The following GORASP2 variants were observed in gnomAD, a reference collection of about 807,000 sequenced individuals.
The protein encoded by GORASP2 is golgi reassembly stacking protein 2.
A neutral mutation model predicts 45.7 loss-of-function variants in GORASP2; 22 were observed. The ratio of observed to expected loss-of-function variants is 0.48; its 90% CI spans 0.34 to 0.69. The LOEUF (loss-of-function observed/expected upper bound fraction) is 0.69, where lower values mean the gene tolerates loss of function less well. GORASP2 is among the 30% of genes least tolerant of loss of function. GORASP2 has a pLI of 0.01. For synonymous variants in GORASP2, 221 were observed against 215.6 expected (o/e 1.02, Z -0.22); for missense variants, 491 against 562.7 (o/e 0.87, Z 1.29).
intron 9 of GORASP2, among the ~76,000 whole-genome samples, chr2:170,963,207 T>C (rs1328916344): frequency 6.6e-6 from 1 of 151,898 alleles, no homozygotes; most frequent in Admixed American, 6.6e-5. Context: ...ACCCCATCTC[T>C]ACTGAAAAAA....
chr2:170,941,288 C>T (rs536404746), intron 1 of GORASP2, among the ~76,000 whole-genome samples: 1 of 152,160 alleles, frequency 6.6e-6, no homozygotes, highest in South Asian at 2.1e-4. Flanking sequence ...CATAATTGCT[C>T]TTTAGTATTT....
At position 170,966,768 on chromosome 2, in the gene GORASP2, G is replaced by C. The variant is rs2105332722; in HGVS notation, c.*638G>C. 1 of 154,322 alleles carries C rather than the reference G, an allele frequency of 6.5e-6. No individual in the cohort carries two copies. Among genetic ancestry groups the C allele is most frequent in the African/African-American group, 2.4e-5 (1 of 41,536 alleles). The allele number at this position is 154,322 out of a possible 1,614,324, so 9.6% of individuals were successfully genotyped here. ...CAGACAACATTTTGTAACTGCTGCTGTTGCTTTCTACATACACCTTATAAA... is the reference window on the plus strand; with the variant it reads ...CAGACAACATTTTGTAACTGCTGCTCTTGCTTTCTACATACACCTTATAAA... On this transcript the variant is annotated 3_prime_UTR_variant, in exon 10 of 10. Transcript: ENST00000234160.
intron 1 of GORASP2, chr2:170,929,888 C>G (rs779981184): frequency 7.3e-6 from 3 of 409,174 alleles, no homozygotes; most frequent in East Asian, 9.9e-5. Context: ...CGGCGCCGGC[C>G]GAGTGGCCTG....
intron 7 of GORASP2, among the ~76,000 whole-genome samples, chr2:170,957,072 T>C (rs1353615077): frequency 6.6e-6 from 1 of 152,224 alleles, no homozygotes; most frequent in Non-Finnish European, 1.5e-5. Context: ...TTAAACTTCT[T>C]CCCTGCATAT....
intron 3 of GORASP2, chr2:170,949,974 A>T (rs930453687): frequency 1.8e-6 from 1 of 565,244 alleles, no homozygotes; most frequent in Non-Finnish European, 3.2e-6. Flanking sequence ...TCATTATAAG[A>T]TGTGTTAGAG....
intron 1 of GORASP2, chr2:170,929,774 C>T: frequency 2.0e-6 from 1 of 497,732 alleles, no homozygotes; most frequent in South Asian, 1.5e-5. Flanking sequence ...GAGGCAACGT[C>T]TCCAAAGTGG....
At chr2:170,934,416 C>T (rs1215491315) in intron 1 of GORASP2, among the ~76,000 whole-genome samples, 1 of 151,756 alleles carries the variant, frequency 6.6e-6, no homozygotes, top group African/African-American at 2.4e-5. Context: ...CCTGTCATCA[C>T]GCCCAGCTAA....
intron 7 of GORASP2, among the ~76,000 whole-genome samples, 192 bp downstream of exon 7, chr2:170,956,751 AAAAC>A (rs1201814844): frequency 1.3e-5 from 2 of 151,958 alleles, no homozygotes; most frequent in African/African-American, 2.4e-5. Context: ...CTAAAAAAAA[AAAAC>A]TTTTTTTAAT....
chr2:170,941,571 A>G (rs1279513825), intron 1 of GORASP2, among the ~76,000 whole-genome samples: 1 of 152,168 alleles, frequency 6.6e-6, no homozygotes, highest in Non-Finnish European at 1.5e-5. Flanking sequence ...GATTTCTAAC[A>G]GCATAGATGA....
At chr2:170,935,572 CTT>C (rs1197617014) in intron 1 of GORASP2, among the ~76,000 whole-genome samples, 2 of 140,008 alleles carry the variant, frequency 1.4e-5, no homozygotes, top group Non-Finnish European at 1.6e-5. Context: ...CGCCCCACCT[CTT>C]TTTTTTTTTT....
At chr2:170,958,356 T>C (rs1704476407) in intron 7 of GORASP2, among the ~76,000 whole-genome samples, 1 of 152,232 alleles carries the variant, frequency 6.6e-6, no homozygotes, top group Non-Finnish European at 1.5e-5. Context: ...AGTAAATTCA[T>C]AGAATTGTGC....
At chr2:170,946,473 A>G (rs1704184382) in intron 1 of GORASP2, among the ~76,000 whole-genome samples, 1 of 152,162 alleles carries the variant, frequency 6.6e-6, no homozygotes, top group South Asian at 2.1e-4. Flanking sequence ...ACAGTCCATT[A>G]TCAAATATGG....
intron 1 of GORASP2, among the ~76,000 whole-genome samples, chr2:170,942,684 T>C (rs1209000665): frequency 6.6e-6 from 1 of 152,228 alleles, no homozygotes; most frequent in East Asian, 1.9e-4. Context: ...GGTTTTTGCA[T>C]GGAGATATAT....
At chr2:170,954,854 A>C (rs1394801537) in intron 6 of GORASP2, 72 bp downstream of exon 6, 2 of 1,124,216 alleles carry the variant, frequency 1.8e-6, no homozygotes, top group African/African-American at 1.5e-5. Flanking sequence ...CAGTGCTACT[A>C]TATGGCAGTA....
At chr2:170,935,674 G>A (rs1212601067) in intron 1 of GORASP2, among the ~76,000 whole-genome samples, 1 of 150,566 alleles carries the variant, frequency 6.6e-6, no homozygotes, top group Non-Finnish European at 1.5e-5. Flanking sequence ...CCAGGCTCAA[G>A]TGATCCTCCC....
intron 7 of GORASP2, among the ~76,000 whole-genome samples, chr2:170,960,746 G>C (rs894512301): frequency 6.6e-6 from 1 of 152,308 alleles, no homozygotes; most frequent in African/African-American, 2.4e-5. Context: ...TAGAGCATTT[G>C]CCAGTGCTTC....
intron 1 of GORASP2, among the ~76,000 whole-genome samples, chr2:170,933,462 TAAAC>T (rs1191602693): frequency 6.6e-6 from 1 of 152,136 alleles, no homozygotes; most frequent in African/African-American, 2.4e-5. Context: ...GAGAAATTGT[TAAAC>T]AAATCAGGGC....
At chr2:170,944,264 A>G (rs1453910076) in intron 1 of GORASP2, among the ~76,000 whole-genome samples, 46 of 152,192 alleles carry the variant, frequency 3.0e-4, no homozygotes, top group Admixed American at 3.0e-3. Flanking sequence ...GTTGTAGATC[A>G]TATTTTCCAT....
chr2:170,949,760 A>T lies in GORASP2; in HGVS notation c.348+18A>T. On this transcript the variant is annotated intron_variant, in intron 3 of 9. Transcript: ENST00000234160. ...ATGTGCTGGTACGTATCAACTGTGA[A>T]CTGTTACTGGAGGTTCATGAAGCAG... 1 of 1,529,096 alleles carries T rather than the reference A, an allele frequency of 6.5e-7. No homozygotes were observed. Among genetic ancestry groups the T allele is most frequent in the Non-Finnish European group, 9.1e-7 (1 of 1,102,402 alleles). 94.7% of individuals were successfully genotyped at this position (1,529,096 alleles called of 1,614,324 possible).
Sources: allele counts gnomAD v4.1 joint callset (sites outside exome capture counted in the v4.1 genomes callset), GRCh38; gene constraint gnomAD v4.1.1; transcripts MANE v1.5; gene names NCBI Gene and HGNC (gene_info 2026-07-23, HGNC 2026-07-21).